Variants in AUTS2 observed in about 807,000 individuals in gnomAD.
AUTS2 encodes the protein activator of transcription and developmental regulator AUTS2, also known as autism susceptibility gene 2 protein.
AUTS2 carries 17 observed loss-of-function variants against 112.4 expected under a neutral mutation model. The observed-to-expected ratio is 0.15, with a 90% CI of 0.10 to 0.23. The LOEUF (loss-of-function observed/expected upper bound fraction) is 0.23. AUTS2 is among the 10% of genes least tolerant of loss of function. AUTS2 has a pLI of 1.00. For missense variants in AUTS2, 1,510 were observed against 1,701.6 expected (o/e 0.89, Z 1.98); for synonymous variants, 751 against 702.7 (o/e 1.07, Z -1.09).
At chr7:70,692,640 A>G (rs956388226) in intron 5 of AUTS2, among the ~76,000 whole-genome samples, 7 of 152,332 alleles carry the variant, frequency 4.6e-5, no homozygotes, top group South Asian at 4.1e-4. Context: ...AAAGACTTGT[A>G]TAACACCACA....
chr7:70,532,832 T>C (rs1800152135), intron 5 of AUTS2, among the ~76,000 whole-genome samples: 1 of 152,134 alleles, frequency 6.6e-6, no homozygotes, highest in South Asian at 2.1e-4. Flanking sequence ...TAGGAAAGGG[T>C]AGAAAATTAT....
At chr7:70,248,957 A>G (rs977283133) in intron 4 of AUTS2, among the ~76,000 whole-genome samples, 2 of 152,156 alleles carry the variant, frequency 1.3e-5, no homozygotes, top group Non-Finnish European at 2.9e-5. Flanking sequence ...CAGACCATTC[A>G]TGTTGGATCA....
intron 5 of AUTS2, among the ~76,000 whole-genome samples, chr7:70,580,469 A>T (rs950416067): frequency 3.3e-5 from 5 of 152,146 alleles, no homozygotes; most frequent in Non-Finnish European, 7.4e-5. Flanking sequence ...CTCTAGTAGG[A>T]GGGGACACAG....
chr7:69,917,310 T>C (rs915537269), intron 2 of AUTS2, among the ~76,000 whole-genome samples: 1 of 150,896 alleles, frequency 6.6e-6, no homozygotes, highest in Non-Finnish European at 1.5e-5. Flanking sequence ...TTTTTGGTGC[T>C]TCCTAATCCC....
chr7:70,594,953 T>A (rs111997444), intron 5 of AUTS2, among the ~76,000 whole-genome samples: 5 of 152,112 alleles, frequency 3.3e-5, no homozygotes, highest in Admixed American at 1.3e-4. Flanking sequence ...AATACAAAAT[T>A]AGTCGGGCGT....
intron 4 of AUTS2, among the ~76,000 whole-genome samples, chr7:70,262,067 G>T (rs940316305): frequency 6.6e-6 from 1 of 152,140 alleles, no homozygotes; most frequent in African/African-American, 2.4e-5. Context: ...TTTACTAAGC[G>T]ATATATTACA....
chr7:70,677,205 A>T (rs149792198), intron 5 of AUTS2, among the ~76,000 whole-genome samples: 2 of 152,122 alleles, frequency 1.3e-5, no homozygotes, highest in African/African-American at 4.8e-5. Context: ...AAACGTGGAC[A>T]CTGTCCAGGT....
chr7:70,374,823 T>C (rs1313465511), intron 4 of AUTS2, among the ~76,000 whole-genome samples: 1 of 152,100 alleles, frequency 6.6e-6, no homozygotes, highest in East Asian at 1.9e-4. Context: ...GGCTTTGAGG[T>C]CAGTGTGTGT....
chr7:70,485,419 A>G (rs145779987), intron 5 of AUTS2, among the ~76,000 whole-genome samples: 2,241 of 152,220 alleles, frequency 0.015, 71 homozygotes, highest in African/African-American at 0.051. Context: ...GAGCTAAGCT[A>G]TGAGGATGCA....
intron 1 of AUTS2, among the ~76,000 whole-genome samples, chr7:69,605,490 C>A (rs896439786): frequency 6.6e-6 from 1 of 152,182 alleles, no homozygotes; most frequent in Non-Finnish European, 1.5e-5. Context: ...TCTGATGCCA[C>A]CAAGCTGCCC....
intron 4 of AUTS2, among the ~76,000 whole-genome samples, chr7:70,331,862 G>A (rs961061913): frequency 6.6e-6 from 1 of 152,014 alleles, no homozygotes; most frequent in African/African-American, 2.4e-5. Context: ...CAGACATACT[G>A]AATGGGCAAA....
intron 1 of AUTS2, among the ~76,000 whole-genome samples, chr7:69,791,486 G>A (rs1439288808): frequency 6.6e-6 from 1 of 152,148 alleles, no homozygotes; most frequent in Non-Finnish European, 1.5e-5. Flanking sequence ...GCCTCTTTGT[G>A]GAGTGCAGTC....
intron 1 of AUTS2, among the ~76,000 whole-genome samples, chr7:69,770,389 C>A (rs1210543316): frequency 6.6e-6 from 1 of 152,200 alleles, no homozygotes; most frequent in Non-Finnish European, 1.5e-5. Context: ...CTGAGACTCA[C>A]TACCCTCAGC....
intron 1 of AUTS2, among the ~76,000 whole-genome samples, chr7:69,704,155 C>T (rs1257771425): frequency 2.0e-5 from 3 of 152,152 alleles, no homozygotes; most frequent in Non-Finnish European, 4.4e-5. Context: ...TTCAGAAATC[C>T]CAAACTCTGC....
At chr7:69,962,341 G>A (rs1315867137) in intron 2 of AUTS2, among the ~76,000 whole-genome samples, 1 of 152,128 alleles carries the variant, frequency 6.6e-6, no homozygotes, top group Admixed American at 6.6e-5. Context: ...GAAGAGGTCA[G>A]ATGCAGATAA....
At chr7:70,264,999 A>G (rs991240272) in intron 4 of AUTS2, among the ~76,000 whole-genome samples, 1 of 152,220 alleles carries the variant, frequency 6.6e-6, no homozygotes, top group African/African-American at 2.4e-5. Context: ...TTCATACCAA[A>G]CATTAGAGTT....
chr7:70,545,374 G>A (rs1371609036), intron 5 of AUTS2, among the ~76,000 whole-genome samples: 4 of 152,224 alleles, frequency 2.6e-5, no homozygotes, highest in Non-Finnish European at 5.9e-5. Flanking sequence ...GAAAGTCCCT[G>A]CTGTTCCAGT....
chr7:70,762,528 A>G (rs559753009), intron 6 of AUTS2, among the ~76,000 whole-genome samples: 3 of 151,908 alleles, frequency 2.0e-5, no homozygotes, highest in South Asian at 2.1e-4. Context: ...TCGGCCTCTC[A>G]AAGTGTTGAG....
At chr7:70,063,261 GT>G (rs762616016) in intron 2 of AUTS2, among the ~76,000 whole-genome samples, 110 of 138,394 alleles carry the variant, frequency 7.9e-4, no homozygotes, top group Middle Eastern at 3.7e-3. Flanking sequence ...TTTGGGTTTT[GT>G]TTTTTTTTTT....
Sources: allele counts gnomAD v4.1 joint callset (sites outside exome capture counted in the v4.1 genomes callset), GRCh38; gene constraint gnomAD v4.1.1; transcripts MANE v1.5; gene names NCBI Gene and HGNC (gene_info 2026-07-23, HGNC 2026-07-21).